The following THADA variants were observed in gnomAD, a reference collection of about 807,000 sequenced individuals.
The protein encoded by THADA is THADA armadillo repeat containing, also known as tRNA (32-2'-O)-methyltransferase regulator THADA.
THADA carries 213 observed loss-of-function variants against 219.8 expected under a neutral mutation model. The observed-to-expected ratio is 0.97, with a 90% CI of 0.87 to 1.09. The LOEUF is 1.09. Among genes scored for constraint, THADA ranks in the 50% least tolerant of loss-of-function variants. THADA has a pLI of 0.00. For missense variants in THADA, 2,956 were observed against 2,311.3 expected (o/e 1.28, Z -5.72); for synonymous variants, 1,018 against 828.9 (o/e 1.23, Z -3.92).
intron 31 of THADA, among the ~76,000 whole-genome samples, chr2:43,302,567 T>C (rs994262854): frequency 1.3e-5 from 2 of 152,112 alleles, no homozygotes; most frequent in African/African-American, 4.8e-5. Context: ...ATGTCCTGGT[T>C]TCCTGGAGAA....
Position 43,485,228 on chromosome 2 carries a change from G to A in THADA, c.3836+6C>T, listed in dbSNP as rs1558836991. The A allele has an allele frequency of 1.2e-6, 2 of 1,603,224 alleles. No individual in the cohort carries two copies. Among genetic ancestry groups the A allele is most frequent in the African/African-American group, 1.3e-5 (1 of 74,558 alleles). Reference sequence around the variant, plus strand: ...AAAAGTAAAGTTAGCCTTAAATGGAGCTTACCTATTTGTTTTGGAATGTTC... The same window carrying A: ...AAAAGTAAAGTTAGCCTTAAATGGAACTTACCTATTTGTTTTGGAATGTTC... On this transcript the variant is annotated splice_donor_region_variant and intron_variant, in intron 26 of 37. Transcript: ENST00000405975.
intron 14 of THADA, among the ~76,000 whole-genome samples, chr2:43,568,225 C>A (rs1218874765): frequency 6.6e-6 from 1 of 152,152 alleles, no homozygotes; most frequent in Admixed American, 6.5e-5. Context: ...ACATGGACAT[C>A]TAATATTTTA....
intron 31 of THADA, 29 bp from the exon 32 acceptor site, chr2:43,293,242 G>C (rs1379256195): frequency 1.3e-6 from 2 of 1,576,680 alleles, no homozygotes; most frequent in Non-Finnish European, 8.6e-7. Flanking sequence ...AAAAGGGAAA[G>C]AGATAATCAC....
intron 35 of THADA, among the ~76,000 whole-genome samples, chr2:43,285,639 C>T (rs1034321871): frequency 6.6e-6 from 1 of 151,806 alleles, no homozygotes; most frequent in South Asian, 2.1e-4. Flanking sequence ...TCTCGGCTCA[C>T]CGTAACCTCT....
chr2:43,486,501 A>C (rs1686935672), intron 25 of THADA: 1 of 152,202 alleles, frequency 6.6e-6, no homozygotes, highest in South Asian at 2.1e-4. Context: ...GAAAACACAT[A>C]CTTACTGGTA....
At chr2:43,298,947 A>C (rs1250376605) in intron 31 of THADA, among the ~76,000 whole-genome samples, 1 of 152,166 alleles carries the variant, frequency 6.6e-6, no homozygotes, top group African/African-American at 2.4e-5. Context: ...GAAAATCTGA[A>C]ATCCAAAATG....
rs1699458390 is a variant in THADA at position 43,572,927 on chromosome 2, C to G, written c.1795G>C (p.Ala599Pro). ...TGAGCTCTAGCTATTCGCAGACATGCCATCAAAGCTCCCAGAGCCCCCCTG... is the reference window on the plus strand; with the variant it reads ...TGAGCTCTAGCTATTCGCAGACATGGCATCAAAGCTCCCAGAGCCCCCCTG... ...NSRGALGALM[A>P]CLRIARAHGH... Residue 599 changes from alanine to proline, a missense_variant, in exon 12 of 38, where the codon GCA (alanine) becomes CCA (proline). Physicochemically the swap from Ala to Pro is conservative, Grantham distance 27 (BLOSUM62 -1). Transcript: ENST00000405975. 4 of 1,613,906 alleles carry G rather than the reference C, an allele frequency of 2.5e-6. No homozygotes were observed. The highest frequency in any genetic ancestry group is 3.4e-6 in the Non-Finnish European group (4 of 1,179,848).
chr2:43,578,873 A>C (rs74501107), intron 8 of THADA, among the ~76,000 whole-genome samples: 25,826 of 152,154 alleles, frequency 0.17, 2,861 homozygotes, highest in African/African-American at 0.31. Context: ...CACTCTGTTG[A>C]CAGGCTGGAG....
At chr2:43,345,584 G>C (rs755685790) in intron 29 of THADA, among the ~76,000 whole-genome samples, 2 of 152,170 alleles carry the variant, frequency 1.3e-5, no homozygotes, top group Admixed American at 1.3e-4. Context: ...GTGGAGTCTG[G>C]AGCAATGGGT....
intron 1 of THADA, 53 bp from the exon 2 acceptor site, chr2:43,592,469 C>G: frequency 1.8e-6 from 2 of 1,105,388 alleles, no homozygotes; most frequent in Non-Finnish European, 2.7e-6. Context: ...AACCTCAGCA[C>G]TATGATTTTT....
In THADA at chr2:43,541,318, T is replaced by G; in HGVS notation, c.3107-2A>C. 6.2e-7 allele frequency: 1 copy of G among 1,612,076 alleles called. No individual in the cohort carries two copies. Among genetic ancestry groups the G allele is most frequent in the Non-Finnish European group, 8.5e-7 (1 of 1,179,192 alleles). Reference sequence around the variant, plus strand: ...CATCACATGTTTTTACTTCTTTACCTTAAACAAAAAAAAACACAACGATTG... The same window carrying G: ...CATCACATGTTTTTACTTCTTTACCGTAAACAAAAAAAAACACAACGATTG... On this transcript the variant is annotated splice_acceptor_variant, in intron 20 of 37. Transcript: ENST00000405975. LOFTEE classifies it high-confidence loss of function.
chr2:43,555,371 T>C (rs1697223551), intron 17 of THADA, among the ~76,000 whole-genome samples: 1 of 151,062 alleles, frequency 6.6e-6, no homozygotes, highest in African/African-American at 2.4e-5. Flanking sequence ...GTGAACTTTT[T>C]ACATATTATT....
chr2:43,261,636 A>AT (rs35414545), intron 36 of THADA, among the ~76,000 whole-genome samples: 22,988 of 116,098 alleles, frequency 0.2, 2,129 homozygotes, highest in Middle Eastern at 0.34. Context: ...TATTGTTTTG[A>AT]TTTTTTTTTT....
At chr2:43,333,007 T>C (rs1665963632) in intron 30 of THADA, 1 of 152,208 alleles carries the variant, frequency 6.6e-6, no homozygotes, top group Non-Finnish European at 1.5e-5. Context: ...CTGACTGTTT[T>C]CACCCAGACT....
chr2:43,339,962 T>TA (rs1001451935), intron 30 of THADA, among the ~76,000 whole-genome samples: 2,092 of 149,346 alleles, frequency 0.014, 41 homozygotes, highest in African/African-American at 0.048. Context: ...ATAAAAAACT[T>TA]AAAAAAAAAA....
At chr2:43,286,584 T>C (rs549303245) in intron 35 of THADA, among the ~76,000 whole-genome samples, 2 of 151,916 alleles carry the variant, frequency 1.3e-5, no homozygotes, top group Non-Finnish European at 1.5e-5. Context: ...CTACTAAAAA[T>C]ACAAAAATTA....
At chr2:43,335,368 C>A (rs981840490) in intron 30 of THADA, among the ~76,000 whole-genome samples, 4 of 152,296 alleles carry the variant, frequency 2.6e-5, no homozygotes, top group African/African-American at 7.2e-5. Context: ...GATGTTAATT[C>A]TGGTGAACTG....
chr2:43,411,399 T>C (rs1676287382), intron 28 of THADA, among the ~76,000 whole-genome samples: 1 of 152,232 alleles, frequency 6.6e-6, no homozygotes. Context: ...AACCAAGTGA[T>C]GTCAAATTTG....
At position 43,344,142 on chromosome 2, in the gene THADA, G is replaced by C; in HGVS notation, c.4323C>G (p.Ala1441=). 5.0e-6 allele frequency: 8 copies of C among 1,610,858 alleles called. No homozygotes were observed. The highest frequency in any genetic ancestry group is 2.2e-5 in the East Asian group (1 of 44,866). ...CATACCTCTTGGCCAGCCAGAGTTT[G>C]GCTTTGGTACAAACAGTGATGTCAG... The part of the protein sequence containing the change: ...ELTDITVCTK[A]KLWLAKRQNP... The change falls in exon 30 of 38, where the codon GCC becomes GCG. Residue 1441 remains alanine, a synonymous_variant. Transcript: ENST00000405975.
Sources: allele counts gnomAD v4.1 joint callset (sites outside exome capture counted in the v4.1 genomes callset), GRCh38; gene constraint gnomAD v4.1.1; transcripts MANE v1.5; gene names NCBI Gene and HGNC (gene_info 2026-07-23, HGNC 2026-07-21).